Variants in MAP4K4 observed in about 807,000 individuals in gnomAD.
MAP4K4 encodes the protein HPK/GCK-like kinase HGK.
Under a neutral mutation model 189.6 loss-of-function variants are expected in MAP4K4, and 38 were observed. The observed-to-expected ratio is 0.20, with a 90% confidence interval of 0.15 to 0.26. The LOEUF (loss-of-function observed/expected upper bound fraction) is 0.26. MAP4K4 is among the 10% of genes least tolerant of loss of function. The pLI is 1.00. For missense variants in MAP4K4, 1,054 were observed against 1,726.9 expected, an observed-to-expected ratio of 0.61 and a Z score of 6.91; for synonymous variants, 610 against 624.3, an observed-to-expected ratio of 0.98 and a Z score of 0.34.
Position 101,891,138 on chromosome 2 carries a change from C to A in MAP4K4, c.4072-28C>A, listed in dbSNP as rs751435798. ...GGAAGTGCTTCATGACCATGGTAACCATTCCCTCTCTTTTCTTGCTTTTGC... is the reference window on the plus strand; with the variant it reads ...GGAAGTGCTTCATGACCATGGTAACAATTCCCTCTCTTTTCTTGCTTTTGC... On this transcript the variant is annotated intron_variant, in intron 32 of 32. Transcript: ENST00000324219. 1.8e-5 allele frequency: 28 copies of A among 1,579,020 alleles called. No individual in the cohort carries two copies. In the South Asian group the frequency reaches 3.0e-4, roughly 17 times the overall value.
chr2:101,704,535 G>GTATA (rs1559012729), intron 2 of MAP4K4, among the ~76,000 whole-genome samples: 6 of 75,558 alleles, frequency 7.9e-5, no homozygotes, highest in African/African-American at 3.9e-4. Context: ...GTGTGTGTGT[G>GTATA]TGTGTGTATA....
At chr2:101,792,400 C>T (rs774041499) in intron 3 of MAP4K4, among the ~76,000 whole-genome samples, 3 of 152,036 alleles carry the variant, frequency 2.0e-5, no homozygotes. Flanking sequence ...CTGTTGTGGC[C>T]GGTCAGGATA....
intron 26 of MAP4K4, among the ~76,000 whole-genome samples, chr2:101,876,385 G>A (rs1476702452): frequency 6.6e-6 from 1 of 152,162 alleles, no homozygotes; most frequent in African/African-American, 2.4e-5. Context: ...GAGAAGTAGG[G>A]TGAGTCAAAT....
chr2:101,859,836 A>G lies in MAP4K4; in HGVS notation c.1676A>G (p.His559Arg), dbSNP rs1435165510. Residue 559 changes from histidine to arginine, a missense_variant, in exon 15 of 33, where the codon CAC becomes CGC. This residue lies in a region of MAP4K4 where 646 missense variants were observed against 796.2 expected (regional missense o/e 0.81). Coordinates refer to ENST00000324219, the Ensembl canonical transcript of MAP4K4. ...TTCCATGCTCCCGAGCCCAAAGCCC[A>G]CTACGAGCCTGCTGACCGAGCGCGA... is the stretch of plus-strand genomic sequence containing the variant. 1.2e-6 allele frequency: 2 copies of G among 1,608,958 alleles called. No individual in the cohort carries two copies. The highest frequency in any genetic ancestry group is 8.5e-7 in the Non-Finnish European group (1 of 1,177,894).
At chr2:101,814,497 A>C (rs892580653) in intron 3 of MAP4K4, among the ~76,000 whole-genome samples, 6 of 152,236 alleles carry the variant, frequency 3.9e-5, no homozygotes, top group Admixed American at 6.5e-5. Context: ...ATGCCATTTC[A>C]TAATAAAGAC....
At chr2:101,759,522 C>T (rs1262322884) in intron 2 of MAP4K4, among the ~76,000 whole-genome samples, 3 of 47,680 alleles carry the variant, frequency 6.3e-5, no homozygotes, top group Non-Finnish European at 1.2e-4. Context: ...CCTCCCCATT[C>T]CCCTCCCCTC....
At chr2:101,833,343 G>A (rs760106661) in intron 7 of MAP4K4, among the ~76,000 whole-genome samples, 10 of 152,020 alleles carry the variant, frequency 6.6e-5, no homozygotes, top group East Asian at 1.9e-4. Flanking sequence ...TCTGATGGCC[G>A]GGCATGGTGG....
chr2:101,829,720 A>C, intron 6 of MAP4K4, 126 bp downstream of exon 6: 2 of 673,140 alleles, frequency 3.0e-6, no homozygotes, highest in Non-Finnish European at 5.3e-6. Flanking sequence ...GTTCTTCTTA[A>C]GAATGTGGGA....
chr2:101,709,992 G>A (rs2044512794), intron 2 of MAP4K4, among the ~76,000 whole-genome samples: 1 of 152,148 alleles, frequency 6.6e-6, no homozygotes, highest in Non-Finnish European at 1.5e-5. Context: ...TACTTGCTGT[G>A]ACAGTGACAG....
chr2:101,859,742 C>G, exon 15 of MAP4K4: 1 of 1,611,876 alleles, frequency 6.2e-7, no homozygotes, highest in South Asian at 1.1e-5. Context: ...ACAGCATGAC[C>G]ATAGGAGGCC....
At chr2:101,811,252 T>G (rs2095403229) in intron 3 of MAP4K4, among the ~76,000 whole-genome samples, 1 of 150,244 alleles carries the variant, frequency 6.7e-6, no homozygotes, top group Non-Finnish European at 1.5e-5. Flanking sequence ...GTGCCTGTAG[T>G]CCCAGCTACT....
At chr2:101,741,846 TA>T in intron 2 of MAP4K4, among the ~76,000 whole-genome samples, 4 of 152,030 alleles carry the variant, frequency 2.6e-5, no homozygotes, top group African/African-American at 7.2e-5. Flanking sequence ...ATTTGAAAAA[TA>T]AAAAAAATTG....
chr2:101,790,905 G>C, intron 3 of MAP4K4, 129 bp downstream of exon 3: 1 of 779,594 alleles, frequency 1.3e-6, no homozygotes. Context: ...TGACATTGTG[G>C]GTTCATAGGT....
chr2:101,731,610 A>AT (rs1322037050), intron 2 of MAP4K4, among the ~76,000 whole-genome samples: 2 of 152,068 alleles, frequency 1.3e-5, no homozygotes, highest in African/African-American at 4.8e-5. Context: ...AAATACAAAA[A>AT]TTACCCAGGC....
At chr2:101,872,738 A>G (rs978285317) in intron 24 of MAP4K4, among the ~76,000 whole-genome samples, 1 of 152,202 alleles carries the variant, frequency 6.6e-6, no homozygotes, top group African/African-American at 2.4e-5. Context: ...CATGGGCTCT[A>G]GGACATGGTG....
At chr2:101,838,961 G>C (rs374748032) in intron 9 of MAP4K4, among the ~76,000 whole-genome samples, 1 of 152,174 alleles carries the variant, frequency 6.6e-6, no homozygotes, top group East Asian at 1.9e-4. Context: ...AGTTTTTGAC[G>C]TGTACCATTT....
intron 2 of MAP4K4, among the ~76,000 whole-genome samples, chr2:101,778,791 G>T (rs150936051): frequency 3.3e-5 from 5 of 152,168 alleles, no homozygotes; most frequent in African/African-American, 1.2e-4. Flanking sequence ...TGCCTTAGTG[G>T]GGTGGAAGCA....
At chr2:101,859,161 C>A in intron 14 of MAP4K4, 79 bp downstream of exon 14, 1 of 1,335,586 alleles carries the variant, frequency 7.5e-7, no homozygotes, top group Non-Finnish European at 1.0e-6. Context: ...CTGTGGTGGT[C>A]ACCAGACCAT....
chr2:101,697,964 A>ACCGGG (rs1467204721), exon 1 of MAP4K4: 5 of 505,376 alleles, frequency 9.9e-6, no homozygotes, highest in African/African-American at 6.4e-5. Context: ...CGAGGAGAGT[A>ACCGGG]CCGGGCCGGC....
Sources: allele counts gnomAD v4.1 joint callset (sites outside exome capture counted in the v4.1 genomes callset), GRCh38; gene constraint gnomAD v4.1.1; regional missense constraint gnomAD v4.1.1; transcripts MANE v1.5; gene names NCBI Gene and HGNC (gene_info 2026-07-23, HGNC 2026-07-21).